CADM1: variants seen among roughly 807,000 people sequenced by gnomAD.
CADM1 encodes cell adhesion molecule 1.
CADM1 carries 15 observed loss-of-function variants against 53.1 expected under a neutral mutation model. That is an observed-to-expected ratio of 0.28 (90% CI 0.19 to 0.44). The LOEUF is 0.44. Ranked by LOEUF, CADM1 falls within the 20% of genes least tolerant of loss-of-function variation. The probability of loss-of-function intolerance (pLI) is 1.00; values close to 1 mark genes in which losing one functional copy is unlikely to be tolerated. For synonymous variants in CADM1, 281 were observed against 243.0 expected, an observed-to-expected ratio of 1.16 and a Z score of -1.45; for missense variants, 434 against 611.3, an observed-to-expected ratio of 0.71 and a Z score of 3.06.
chr11:115,175,328 C>CA lies in CADM1; in HGVS notation c.*1145dup, dbSNP rs1295447453. ...CAGCATGACAAATATCTGTAATATA[C>CA]AGTACATGCAGGCCACATCCTACTG... On this transcript the variant is annotated 3_prime_UTR_variant, in exon 12 of 12. Coordinates refer to ENST00000331581, the MANE Select transcript of CADM1 (RefSeq NM_001301043.2). The CA allele has an allele frequency of 1.0e-6, 1 of 980,330 alleles. No homozygotes were observed. The highest frequency in any genetic ancestry group is 1.8e-5 in the African/African-American group (1 of 55,978). 60.7% of individuals were successfully genotyped at this position (980,330 alleles called of 1,614,324 possible).
At chr11:115,430,766 T>C (rs546078569) in intron 1 of CADM1, among the ~76,000 whole-genome samples, 1 of 152,302 alleles carries the variant, frequency 6.6e-6, no homozygotes, top group East Asian at 1.9e-4. Flanking sequence ...TCCACCTGTA[T>C]AGCACGGTTG....
chr11:115,498,271 C>T (rs965120579), intron 1 of CADM1, among the ~76,000 whole-genome samples: 1 of 152,158 alleles, frequency 6.6e-6, no homozygotes, highest in African/African-American at 2.4e-5. Context: ...TACAGAATAG[C>T]GGCTGAAATT....
At chr11:115,202,615 A>G (rs555414383) in intron 8 of CADM1, among the ~76,000 whole-genome samples, 38 of 152,298 alleles carry the variant, frequency 2.5e-4, no homozygotes, top group African/African-American at 8.2e-4. Context: ...TTTGATTGTC[A>G]TAAGCCTAAA....
chr11:115,480,095 C>T (rs958312594), intron 1 of CADM1, among the ~76,000 whole-genome samples: 1 of 152,004 alleles, frequency 6.6e-6, no homozygotes, highest in African/African-American at 2.4e-5. Context: ...TAAGTTTTAC[C>T]TTTTTACAGG....
At chr11:115,502,920 C>T (rs970832839) in intron 1 of CADM1, among the ~76,000 whole-genome samples, 9 of 152,298 alleles carry the variant, frequency 5.9e-5, no homozygotes, top group African/African-American at 2.2e-4. Flanking sequence ...CCTGGGGCTC[C>T]GCAGGTGGGG....
chr11:115,384,007 AG>A (rs1318581714), intron 1 of CADM1, among the ~76,000 whole-genome samples: 1 of 152,134 alleles, frequency 6.6e-6, no homozygotes, highest in Non-Finnish European at 1.5e-5. Flanking sequence ...CACAAATCCC[AG>A]GGTCACTGCC....
chr11:115,348,204 C>T (rs1945633773), intron 1 of CADM1, among the ~76,000 whole-genome samples: 1 of 152,146 alleles, frequency 6.6e-6, no homozygotes, highest in Non-Finnish European at 1.5e-5. Flanking sequence ...ACATGGGTTA[C>T]TTCTACATAA....
chr11:115,282,878 T>C (rs1468098161), intron 1 of CADM1, among the ~76,000 whole-genome samples: 1 of 151,964 alleles, frequency 6.6e-6, no homozygotes, highest in Non-Finnish European at 1.5e-5. Flanking sequence ...CTAAGTGGGG[T>C]TAAGAAAAAA....
chr11:115,308,139 CTCTGTGTGTGTG>C (rs1369221957), intron 1 of CADM1, among the ~76,000 whole-genome samples: 5 of 120,740 alleles, frequency 4.1e-5, no homozygotes, highest in Admixed American at 2.4e-4. Flanking sequence ...CAAACTCTCT[CTCTGTGTGTGTG>C]TGTGTGTGTG....
At chr11:115,232,013 T>TAACAAC (rs1555045692) in intron 3 of CADM1, among the ~76,000 whole-genome samples, 5,924 of 146,900 alleles carry the variant, frequency 0.04, 253 homozygotes, top group African/African-American at 0.1. Context: ...ATAATAATAA[T>TAACAAC]AACAACAACA....
rs1941235732 is a variant in CADM1, at chr11:115,217,484, C to T, written c.821+408G>A. Among the ~76,000 whole-genome samples the T allele has an allele frequency of 2.0e-5, 3 of 152,114 alleles. No individual in the cohort carries two copies. In the South Asian group the frequency reaches 6.2e-4, roughly 32 times the overall value. On this transcript the variant is annotated intron_variant, in intron 6 of 11. Transcript: ENST00000331581. ...GGCAAATTCATTTGCCTACAGCTGG[C>T]CCTAAACATAGCAGCTTAATGTAAG...
At chr11:115,318,268 C>T (rs1453051281) in intron 1 of CADM1, among the ~76,000 whole-genome samples, 1 of 152,164 alleles carries the variant, frequency 6.6e-6, no homozygotes, top group East Asian at 1.9e-4. Context: ...CATTTAGATA[C>T]TCAGCTATGA....
At chr11:115,202,179 C>T (rs1453766814) in intron 8 of CADM1, among the ~76,000 whole-genome samples, 1 of 55,304 alleles carries the variant, frequency 1.8e-5, no homozygotes, top group East Asian at 4.9e-4. Flanking sequence ...AGCAATTTAA[C>T]TAAGTAGCAA....
chr11:115,408,286 A>T (rs1947368437), intron 1 of CADM1, among the ~76,000 whole-genome samples: 1 of 152,222 alleles, frequency 6.6e-6, no homozygotes, highest in African/African-American at 2.4e-5. Flanking sequence ...TGCCTAAAGG[A>T]AATGTGTCAT....
chr11:115,260,583 C>T (rs1017192298), intron 1 of CADM1, among the ~76,000 whole-genome samples: 1 of 152,352 alleles, frequency 6.6e-6, no homozygotes, highest in African/African-American at 2.4e-5. Context: ...ATGACCGACA[C>T]TGATTGATGA....
Position 115,504,376 on chromosome 11 carries a change from G to C in CADM1, c.19C>G (p.Pro7Ala). 1 of 1,547,494 alleles carries C rather than the reference G, an allele frequency of 6.5e-7. No homozygotes were observed. The highest frequency in any genetic ancestry group is 8.7e-7 in the Non-Finnish European group (1 of 1,146,202). ...GCCGCCGCACACTGGGATCCGCTCG[G>C]CAGCACTACACTCGCCATGTCGGGC... MASVVL[P>A]SGSQCAAAAA... is the part of the protein sequence containing the mutation. Residue 7 changes from proline to alanine, a missense_variant, in exon 1 of 12, where the codon CCG becomes GCG. Transcript: ENST00000331581.
At position 115,171,322 on chromosome 11, in the gene CADM1, GTTTC is replaced by G. The variant is rs1938783844; in HGVS notation, c.*5148_*5151del. On this transcript the variant is annotated 3_prime_UTR_variant, in exon 12 of 12. Coordinates refer to ENST00000331581, the MANE Select transcript of CADM1 (RefSeq NM_001301043.2). Reference sequence around the variant, plus strand: ...CTACCTGTAACACAGTGGCCACATGGTTTCTTTGAGGTTCTTGATGACAGAATCA... The same window carrying G: ...CTACCTGTAACACAGTGGCCACATGGTTTGAGGTTCTTGATGACAGAATCA... 1 of 152,258 alleles carries G rather than the reference GTTTC, an allele frequency of 6.6e-6. No homozygotes were observed. Among genetic ancestry groups the G allele is most frequent in the Admixed American group, 6.5e-5 (1 of 15,298 alleles). The allele number at this position is 152,258 out of a possible 1,614,324, so 9.4% of individuals were successfully genotyped here. A position where few individuals can be genotyped will look rare whatever the true frequency, so the allele number is the denominator to read the frequency against.
intron 1 of CADM1, among the ~76,000 whole-genome samples, chr11:115,334,670 G>A (rs182805487): frequency 5.6e-4 from 85 of 152,114 alleles, no homozygotes; most frequent in African/African-American, 1.8e-3. Flanking sequence ...CATCCACTGG[G>A]GATCTTGGAA....
chr11:115,372,704 C>T (rs1489707950), intron 1 of CADM1, among the ~76,000 whole-genome samples: 1 of 152,142 alleles, frequency 6.6e-6, no homozygotes, highest in South Asian at 2.1e-4. Flanking sequence ...ATTATCAATA[C>T]AAATCAATTA....
Sources: allele counts gnomAD v4.1 joint callset (sites outside exome capture counted in the v4.1 genomes callset), GRCh38; gene constraint gnomAD v4.1.1; transcripts MANE v1.5; gene names NCBI Gene and HGNC (gene_info 2026-07-23, HGNC 2026-07-21).